The following NCLN variants were observed in gnomAD, a reference collection of about 807,000 sequenced individuals.
NCLN encodes the protein nicalin, also known as BOS complex subunit NCLN.
A neutral mutation model predicts 69.5 loss-of-function variants in NCLN; 34 were observed. That is an observed-to-expected ratio of 0.49 (90% CI 0.37 to 0.65). The LOEUF (loss-of-function observed/expected upper bound fraction) is 0.65, where lower values mean the gene tolerates loss of function less well. Ranked by LOEUF, NCLN falls within the 30% of genes least tolerant of loss-of-function variation. The pLI is 0.00. For synonymous variants in NCLN, 393 were observed against 358.3 expected (o/e 1.10, Z -1.09); for missense variants, 710 against 804.8 (o/e 0.88, Z 1.42).
At chr19:3,202,281 G>T (rs112456270) in intron 6 of NCLN, among the ~76,000 whole-genome samples, 3,810 of 152,282 alleles carry the variant, frequency 0.025, 162 homozygotes, top group African/African-American at 0.087. Flanking sequence ...ACCCCGTTGG[G>T]AGTTTATCCT....
In NCLN at chr19:3,204,630, C is replaced by T; in HGVS notation, c.1087C>T (p.Leu363=). Residue 363 remains leucine, a synonymous_variant, in exon 9 of 15, where the codon CTG becomes TTG. Coordinates refer to ENST00000246117, the MANE Select transcript of NCLN (RefSeq NM_020170.4). ...RFSMVHKRIN[L]AEDVLAWEHE... Reference sequence around the variant, plus strand: ...CTCCATGGTGCACAAGCGGATCAACCTGGCGGAGGACGTGCTGGCCTGGGA... The same window carrying T: ...CTCCATGGTGCACAAGCGGATCAACTTGGCGGAGGACGTGCTGGCCTGGGA... The T allele has an allele frequency of 6.2e-7, 1 of 1,606,204 alleles. No individual in the cohort carries two copies. The highest frequency in any genetic ancestry group is 8.5e-7 in the Non-Finnish European group (1 of 1,176,672).
At chr19:3,199,032 TC>T in intron 5 of NCLN, 135 bp downstream of exon 5, 1 of 560,760 alleles carries the variant, frequency 1.8e-6, no homozygotes, top group Admixed American at 4.2e-5. Context: ...TTGCCCGTCA[TC>T]CTGGTCCCCG....
At chr19:3,196,149 G>T in intron 3 of NCLN, 34 bp from the exon 4 acceptor site, 1 of 1,490,342 alleles carries the variant, frequency 6.7e-7, no homozygotes. Flanking sequence ...GCCCTGGCTG[G>T]GCCAAGGCTG....
rs1343646327 is a variant in NCLN, at chr19:3,205,327, GTCCCGGCATAGA to G, written c.1208+580_1208+591del. On this transcript the variant is annotated intron_variant, in intron 9 of 14. Transcript: ENST00000246117. The surrounding 1 kb of genome is among the most constrained non-coding windows in gnomAD (Gnocchi z 4.6). ...GCCGTCTCCTCCCCCAGCGCCCGCA[GTCCCGGCATAGA>G]TCCTTCCCGTTCATCCACTCTGCTC... is the stretch of plus-strand genomic sequence containing the variant. Among the ~76,000 whole-genome samples, 1 of 152,234 alleles carries G rather than the reference GTCCCGGCATAGA, an allele frequency of 6.6e-6. No homozygotes were observed. The highest frequency in any genetic ancestry group is 2.4e-5 in the African/African-American group (1 of 41,468).
chr19:3,197,971 G>A (rs974945118), intron 4 of NCLN, among the ~76,000 whole-genome samples: 2 of 152,180 alleles, frequency 1.3e-5, no homozygotes, highest in African/African-American at 2.4e-5. Context: ...TGTGCAAGCC[G>A]TCCATGGCAG....
chr19:3,197,012 C>T (rs1044704338), intron 4 of NCLN, among the ~76,000 whole-genome samples: 3 of 152,202 alleles, frequency 2.0e-5, no homozygotes, highest in Non-Finnish European at 2.9e-5. Context: ...CGGCTTAGGC[C>T]GGGGTGGGGA....
At chr19:3,189,018 G>A (rs903195144) in intron 1 of NCLN, among the ~76,000 whole-genome samples, 14 of 152,214 alleles carry the variant, frequency 9.2e-5, no homozygotes, top group Non-Finnish European at 1.3e-4. Flanking sequence ...CCCACTACCC[G>A]GAGGAGCTGC....
chr19:3,207,838 T>A lies in NCLN; in HGVS notation c.*150T>A. ...TGGTTGGAACACTGAATTACAGAGC[T>A]TTTTTCTGTTGCTCTCCGAGACTGG... On this transcript the variant is annotated 3_prime_UTR_variant, in exon 15 of 15. Transcript: ENST00000246117. 1 of 631,998 alleles carries A rather than the reference T, an allele frequency of 1.6e-6. No homozygotes were observed. Among genetic ancestry groups the A allele is most frequent in the Non-Finnish European group, 2.8e-6 (1 of 353,578 alleles). The allele number at this position is 631,998 out of a possible 1,614,324, so 39.1% of individuals were successfully genotyped here. A position where few individuals can be genotyped will look rare whatever the true frequency, so the allele number is the denominator to read the frequency against.
chr19:3,196,621 C>T (rs905219057), intron 4 of NCLN, among the ~76,000 whole-genome samples: 2 of 152,102 alleles, frequency 1.3e-5, no homozygotes, highest in African/African-American at 2.4e-5. Context: ...GCTGCAGTGT[C>T]GCCAGCCCCC....
intron 5 of NCLN, among the ~76,000 whole-genome samples, chr19:3,200,546 G>A (rs1360378211): frequency 6.6e-6 from 1 of 151,764 alleles, no homozygotes; most frequent in African/African-American, 2.4e-5. Flanking sequence ...TCCAGACCTT[G>A]TAATCTGCCC....
chr19:3,201,717 G>C (rs751000130), intron 6 of NCLN, 91 bp downstream of exon 6: 22 of 1,113,188 alleles, frequency 2.0e-5, no homozygotes, highest in Non-Finnish European at 2.6e-5. Flanking sequence ...ATGTTTCTCT[G>C]GAGCCTCCTG....
chr19:3,201,256 G>T (rs1182192078), intron 5 of NCLN, among the ~76,000 whole-genome samples: 1 of 152,228 alleles, frequency 6.6e-6, no homozygotes, highest in Non-Finnish European at 1.5e-5. Flanking sequence ...GATGAGGAGA[G>T]TCCTGGGCTT....
At chr19:3,198,949 T>C (rs1343322686) in intron 5 of NCLN, 52 bp downstream of exon 5, 1 of 1,303,350 alleles carries the variant, frequency 7.7e-7, no homozygotes, top group East Asian at 2.8e-5. Flanking sequence ...GGATTCTGGC[T>C]CCAGTCCAGT....
intron 3 of NCLN, among the ~76,000 whole-genome samples, chr19:3,194,345 T>C (rs1007750958): frequency 6.6e-6 from 1 of 152,036 alleles, no homozygotes; most frequent in Admixed American, 6.6e-5. Context: ...GTCACACCAT[T>C]GCACTCCAGC....
Position 3,186,008 on chromosome 19 carries a change from G to T in NCLN, c.-23G>T, listed in dbSNP as rs748895461. 1 of 1,516,672 alleles carries T rather than the reference G, an allele frequency of 6.6e-7. No homozygotes were observed. Among genetic ancestry groups the T allele is most frequent in the South Asian group, 1.2e-5 (1 of 80,506 alleles). 94.0% of individuals were successfully genotyped at this position (1,516,672 alleles called of 1,614,324 possible). A position where few individuals can be genotyped will look rare whatever the true frequency, so the allele number is the denominator to read the frequency against. On this transcript the variant is annotated 5_prime_UTR_variant, in exon 1 of 15. Coordinates refer to ENST00000246117, the MANE Select transcript of NCLN (RefSeq NM_020170.4). Reference sequence around the variant, plus strand: ...GCCGTCCCGTCCCAGCTGCCGCCCCGCGCGGCCCCGCCGCCGGCCAGGATG... The same window carrying T: ...GCCGTCCCGTCCCAGCTGCCGCCCCTCGCGGCCCCGCCGCCGGCCAGGATG...
chr19:3,195,336 A>G (rs1045368663), intron 3 of NCLN, among the ~76,000 whole-genome samples: 4 of 150,786 alleles, frequency 2.7e-5, no homozygotes, highest in Admixed American at 1.3e-4. Flanking sequence ...TGCAAGCTCC[A>G]CCTCCCGGGT....
chr19:3,190,035 C>T (rs1915775934), intron 1 of NCLN, among the ~76,000 whole-genome samples: 1 of 152,224 alleles, frequency 6.6e-6, no homozygotes. Context: ...GAGCTCGAGG[C>T]CCGGAGAACG....
At chr19:3,195,544 C>T (rs150432816) in intron 3 of NCLN, among the ~76,000 whole-genome samples, 32 of 152,208 alleles carry the variant, frequency 2.1e-4, no homozygotes, top group African/African-American at 7.2e-4. Context: ...CCACCGCGCC[C>T]GGCCGATCAT....
chr19:3,193,453 G>A, intron 3 of NCLN, 25 bp downstream of exon 3: 1 of 1,571,394 alleles, frequency 6.4e-7, no homozygotes, highest in Admixed American at 1.8e-5. Context: ...GCAGGGACGG[G>A]GCCCGTGGGC....
Sources: allele counts gnomAD v4.1 joint callset (sites outside exome capture counted in the v4.1 genomes callset), GRCh38; gene constraint gnomAD v4.1.1; non-coding constraint Gnocchi (gnomAD v3.1); transcripts MANE v1.5; gene names NCBI Gene and HGNC (gene_info 2026-07-23, HGNC 2026-07-21).